The following DGKB variants were observed in gnomAD, a reference collection of about 807,000 sequenced individuals.
DGKB encodes the protein 90 kDa diacylglycerol kinase.
A neutral mutation model predicts 114.3 loss-of-function variants in DGKB; 67 were observed. That is an observed-to-expected ratio of 0.59 (90% CI 0.48 to 0.72). The LOEUF (loss-of-function observed/expected upper bound fraction) is 0.72. Among genes scored for constraint, DGKB ranks in the 30% least tolerant of loss-of-function variants. The pLI is 0.00. For missense variants in DGKB, 907 were observed against 975.2 expected (o/e 0.93, Z 0.93); for synonymous variants, 398 against 323.1 (o/e 1.23, Z -2.49).
intron 25 of DGKB, among the ~76,000 whole-genome samples, chr7:14,156,992 C>T (rs769547636): frequency 6.6e-6 from 1 of 152,074 alleles, no homozygotes; most frequent in Non-Finnish European, 1.5e-5. Context: ...TTCAAACATA[C>T]CTCAGCAGGT....
intron 23 of DGKB, among the ~76,000 whole-genome samples, chr7:14,241,708 T>C (rs1262796897): frequency 2.0e-5 from 3 of 151,992 alleles, no homozygotes; most frequent in Admixed American, 6.6e-5. Context: ...AAATACATCA[T>C]GAGAACATTT....
chr7:14,956,313 C>A (rs1453995873), intron 1 of DGKB, among the ~76,000 whole-genome samples: 5 of 151,896 alleles, frequency 3.3e-5, no homozygotes, highest in African/African-American at 1.2e-4. Flanking sequence ...ACAATGACTC[C>A]TATGTCCACA....
At chr7:14,567,050 A>G (rs1797495391) in intron 20 of DGKB, among the ~76,000 whole-genome samples, 1 of 133,926 alleles carries the variant, frequency 7.5e-6, no homozygotes, top group South Asian at 2.2e-4. Context: ...TCCAAGTTCT[A>G]ATAATGAGAT....
chr7:14,433,131 C>T (rs986472292), intron 21 of DGKB, among the ~76,000 whole-genome samples: 6 of 152,158 alleles, frequency 3.9e-5, no homozygotes, highest in Admixed American at 3.3e-4. Flanking sequence ...ACACACTCTC[C>T]CTGGGAGCAC....
chr7:14,176,631 AC>A, intron 25 of DGKB: 1 of 1,298,236 alleles, frequency 7.7e-7, no homozygotes, highest in Non-Finnish European at 9.8e-7. Flanking sequence ...GCTAACACAA[AC>A]ATTCAAGAGC....
chr7:14,791,552 G>A (rs1180666899), intron 2 of DGKB, among the ~76,000 whole-genome samples: 1 of 152,094 alleles, frequency 6.6e-6, no homozygotes, highest in Non-Finnish European at 1.5e-5. Context: ...TGTGGGTATT[G>A]TATAGATGCT....
At chr7:14,779,679 T>C (rs1488304589) in intron 2 of DGKB, among the ~76,000 whole-genome samples, 1 of 152,226 alleles carries the variant, frequency 6.6e-6, no homozygotes, top group Non-Finnish European at 1.5e-5. Context: ...TTTAACCATC[T>C]GTTTCTTGTC....
intron 4 of DGKB, among the ~76,000 whole-genome samples, chr7:14,741,410 T>C (rs1832564413): frequency 6.6e-6 from 1 of 152,202 alleles, no homozygotes; most frequent in Non-Finnish European, 1.5e-5. Flanking sequence ...TCTTTCTATA[T>C]GGTTCTGTCA....
intron 23 of DGKB, among the ~76,000 whole-genome samples, chr7:14,298,578 T>G (rs1802977499): frequency 6.6e-6 from 1 of 152,076 alleles, no homozygotes; most frequent in African/African-American, 2.4e-5. Context: ...AAGCATTATA[T>G]GTAAGACCTA....
intron 17 of DGKB, among the ~76,000 whole-genome samples, chr7:14,601,078 A>G (rs1803459108): frequency 6.6e-6 from 1 of 152,184 alleles, no homozygotes; most frequent in South Asian, 2.1e-4. Context: ...AGAGGTAGGC[A>G]TGCCTTCACA....
At chr7:14,795,041 C>T (rs1234691581) in intron 2 of DGKB, among the ~76,000 whole-genome samples, 1 of 152,178 alleles carries the variant, frequency 6.6e-6, no homozygotes, top group Non-Finnish European at 1.5e-5. Flanking sequence ...CGACTCTTTG[C>T]TTCTAGACCT....
chr7:14,516,986 C>T (rs1788905788), intron 20 of DGKB, among the ~76,000 whole-genome samples: 1 of 152,084 alleles, frequency 6.6e-6, no homozygotes, highest in South Asian at 2.1e-4. Context: ...AAAAAAGAAC[C>T]TTAATAGTCA....
At chr7:14,493,930 ACACACAC>A (rs1784941134) in intron 20 of DGKB, among the ~76,000 whole-genome samples, 2 of 144,174 alleles carry the variant, frequency 1.4e-5, no homozygotes, top group Admixed American at 6.8e-5. Flanking sequence ...TATCATACAC[ACACACAC>A]ACACACACAC....
intron 25 of DGKB, among the ~76,000 whole-genome samples, chr7:14,160,627 G>T (rs1373044952): frequency 6.6e-6 from 1 of 152,036 alleles, no homozygotes; most frequent in East Asian, 1.9e-4. Flanking sequence ...AATAAGAGAG[G>T]ATACAAATGG....
chr7:14,427,495 T>C (rs1373830320), intron 21 of DGKB, among the ~76,000 whole-genome samples: 1 of 152,174 alleles, frequency 6.6e-6, no homozygotes, highest in East Asian at 1.9e-4. Flanking sequence ...TTTGGGTATC[T>C]TTTCAGCAGT....
chr7:14,451,543 CTG>C (rs1163792545), intron 21 of DGKB, among the ~76,000 whole-genome samples: 7 of 118,442 alleles, frequency 5.9e-5, no homozygotes, highest in Middle Eastern at 4.8e-3. Flanking sequence ...ATCTCTCTAT[CTG>C]TCTCTCTCTC....
At chr7:14,183,707 A>G (rs1782971130) in intron 23 of DGKB, among the ~76,000 whole-genome samples, 1 of 152,184 alleles carries the variant, frequency 6.6e-6, no homozygotes. Context: ...CTGGTTTTCT[A>G]AATAGGTATG....
chr7:14,602,546 A>G (rs2128767608), intron 17 of DGKB, among the ~76,000 whole-genome samples: 1 of 152,158 alleles, frequency 6.6e-6, no homozygotes, highest in East Asian at 1.9e-4. Context: ...GAATTTGTAA[A>G]GGGGCTTGAG....
chr7:14,946,427 G>A (rs755151839), intron 1 of DGKB, among the ~76,000 whole-genome samples: 18 of 151,470 alleles, frequency 1.2e-4, no homozygotes, highest in Admixed American at 7.3e-4. Context: ...TCTTTGCATC[G>A]TAATCATGGC....
Sources: allele counts gnomAD v4.1 joint callset (sites outside exome capture counted in the v4.1 genomes callset), GRCh38; gene constraint gnomAD v4.1.1; transcripts MANE v1.5; gene names NCBI Gene and HGNC (gene_info 2026-07-23, HGNC 2026-07-21).